Variants in SORCS2 observed in about 807,000 individuals in gnomAD.
SORCS2 encodes VPS10 domain-containing receptor SorCS2.
In SORCS2, 100 loss-of-function variants were observed where a neutral mutation model predicts 141.6. The ratio of observed to expected loss-of-function variants is 0.71; its 90% CI spans 0.60 to 0.83. SORCS2 has a LOEUF of 0.83. Ranked by LOEUF, SORCS2 falls within the 40% of genes least tolerant of loss-of-function variation. The pLI is 0.00. For missense variants in SORCS2, 1,646 were observed against 1,560.2 expected, an observed-to-expected ratio of 1.05 and a Z score of -0.93; for synonymous variants, 789 against 676.9, an observed-to-expected ratio of 1.17 and a Z score of -2.57.
chr4:7,702,447 C>G (rs111887501), intron 12 of SORCS2, among the ~76,000 whole-genome samples: 3 of 152,332 alleles, frequency 2.0e-5, no homozygotes, highest in African/African-American at 7.2e-5. Context: ...AGCTGTGAGG[C>G]CTTAGCATAC....
At chr4:7,513,095 A>C (rs1294039554) in intron 2 of SORCS2, among the ~76,000 whole-genome samples, 2 of 137,126 alleles carry the variant, frequency 1.5e-5, no homozygotes, top group African/African-American at 2.5e-5. Flanking sequence ...AGACAGACCC[A>C]GGTACCCCTG....
At chr4:7,691,638 A>G (rs1338706015) in intron 11 of SORCS2, among the ~76,000 whole-genome samples, 2 of 152,108 alleles carry the variant, frequency 1.3e-5, no homozygotes, top group South Asian at 2.1e-4. Context: ...AATGTGACCC[A>G]TCAGCATCAA....
intron 19 of SORCS2, among the ~76,000 whole-genome samples, chr4:7,724,235 GTGA>G (rs1577121007): frequency 6.7e-6 from 1 of 149,884 alleles, no homozygotes; most frequent in African/African-American, 2.5e-5. Context: ...GGAGGTGGTA[GTGA>G]TGATGGTGAC....
chr4:7,553,153 A>C (rs1713844475), intron 3 of SORCS2, among the ~76,000 whole-genome samples: 1 of 152,152 alleles, frequency 6.6e-6, no homozygotes, highest in Non-Finnish European at 1.5e-5. Context: ...CTGGGAGGGC[A>C]ACAGAGCCAG....
chr4:7,475,821 CTCAAAG>C (rs1329355530), intron 2 of SORCS2, among the ~76,000 whole-genome samples: 1 of 152,258 alleles, frequency 6.6e-6, no homozygotes, highest in African/African-American at 2.4e-5. Context: ...CAGTGACAGA[CTCAAAG>C]TCAGAGAATG....
At chr4:7,402,856 G>C (rs13139233) in intron 2 of SORCS2, among the ~76,000 whole-genome samples, 23,118 of 151,178 alleles carry the variant, frequency 0.15, 1,900 homozygotes, top group Non-Finnish European at 0.18. Flanking sequence ...TTTGGGTCTC[G>C]TCCTCTGTGA....
intron 2 of SORCS2, among the ~76,000 whole-genome samples, chr4:7,502,860 C>T (rs923533583): frequency 2.0e-5 from 3 of 152,206 alleles, no homozygotes; most frequent in Non-Finnish European, 2.9e-5. Context: ...TCCGCTGTGG[C>T]GACTGAGGGA....
rs1020995047 is a variant in SORCS2 at position 7,636,244 on chromosome 4, G to A, written c.649-2084G>A. ...CAAAGGGAGACTTCCTTTGGGACTTGCTTTGGGTCCCCTGTTAGGATGAGA... is the reference window on the plus strand; with the variant it reads ...CAAAGGGAGACTTCCTTTGGGACTTACTTTGGGTCCCCTGTTAGGATGAGA... On this transcript the variant is annotated intron_variant, in intron 3 of 26. Coordinates refer to ENST00000507866, the MANE Select transcript of SORCS2 (RefSeq NM_020777.3). 2.0e-5 allele frequency among the ~76,000 whole-genome samples: 3 copies of A among 148,726 alleles called. No individual in the cohort carries two copies. In the South Asian group the frequency reaches 6.6e-4, roughly 33 times the overall value.
chr4:7,697,163 C>G lies in SORCS2; in HGVS notation c.1592-35C>G, dbSNP rs78864358. ...GTTAAAGGGGTAAAGCTGGACGATC[C>G]TAAGGGTAGTACTGCCCCTTTTCTT... On this transcript the variant is annotated intron_variant, in intron 11 of 26. Transcript: ENST00000507866. 4,204 of 1,529,832 alleles carry G rather than the reference C, an allele frequency of 2.7e-3. 94 individuals carry two copies. The African/African-American group carries it at 0.048, about 18-fold the overall frequency. 94.8% of individuals were successfully genotyped at this position (1,529,832 alleles called of 1,614,324 possible). A position where few individuals can be genotyped will look rare whatever the true frequency, so the allele number is the denominator to read the frequency against.
At chr4:7,248,850 G>T (rs936817732) in intron 1 of SORCS2, among the ~76,000 whole-genome samples, 2 of 152,198 alleles carry the variant, frequency 1.3e-5, no homozygotes, top group Non-Finnish European at 2.9e-5. Context: ...TTAGGCCAGG[G>T]TATGAGGATA....
At chr4:7,396,447 T>C in intron 2 of SORCS2, 92 bp downstream of exon 2, 1 of 1,327,922 alleles carries the variant, frequency 7.5e-7, no homozygotes, top group South Asian at 1.3e-5. Flanking sequence ...AACACCTCAC[T>C]GTGGCAGCCC....
intron 1 of SORCS2, among the ~76,000 whole-genome samples, chr4:7,388,030 G>GCACACATGCACA (rs1339795136): frequency 7.9e-6 from 1 of 126,720 alleles, no homozygotes; most frequent in African/African-American, 3.1e-5. Context: ...ACACAGATAC[G>GCACACATGCACA]CACACATGCA....
chr4:7,411,176 C>T (rs917457470), intron 2 of SORCS2, among the ~76,000 whole-genome samples: 19 of 151,684 alleles, frequency 1.3e-4, no homozygotes, highest in Non-Finnish European at 2.2e-4. Context: ...GGATGGTCTC[C>T]GTCTCTTGAA....
intron 1 of SORCS2, among the ~76,000 whole-genome samples, chr4:7,212,651 G>A (rs1728121654): frequency 6.6e-6 from 1 of 152,248 alleles, no homozygotes; most frequent in Non-Finnish European, 1.5e-5. Context: ...CTGCTCCTGA[G>A]GGAAGCCAGA....
intron 2 of SORCS2, among the ~76,000 whole-genome samples, chr4:7,519,086 G>C (rs948603291): frequency 1.3e-5 from 2 of 152,194 alleles, no homozygotes; most frequent in Admixed American, 6.5e-5. Flanking sequence ...TCTTGGAAGT[G>C]TGCCCGGCGG....
At chr4:7,334,179 C>G (rs1719842520) in intron 1 of SORCS2, among the ~76,000 whole-genome samples, 1 of 152,094 alleles carries the variant, frequency 6.6e-6, no homozygotes, top group South Asian at 2.1e-4. Context: ...GGTGCCCACA[C>G]AGGCATGTTG....
At position 7,460,424 on chromosome 4, in the gene SORCS2, G is replaced by C. The variant is rs1729225305; in HGVS notation, c.548+64069G>C. ...GGGGTGCCAGACTCCCCCAGCTTCA[G>C]AACAGCTCGGTGGTCAAAAGGCAGC... is the stretch of plus-strand genomic sequence containing the variant. On this transcript the variant is annotated intron_variant, in intron 2 of 26. Coordinates refer to ENST00000507866, the MANE Select transcript of SORCS2 (RefSeq NM_020777.3). Among the ~76,000 whole-genome samples, 4 of 152,328 alleles carry C rather than the reference G, an allele frequency of 2.6e-5. No individual in the cohort carries two copies. In the South Asian group the frequency reaches 8.3e-4, roughly 32 times the overall value.
chr4:7,374,123 CT>C (rs1722459640), intron 1 of SORCS2, among the ~76,000 whole-genome samples: 2 of 16,864 alleles, frequency 1.2e-4, no homozygotes, highest in Non-Finnish European at 2.5e-4. Flanking sequence ...TTCTTTCTTT[CT>C]TTCCCTCTTT....
intron 8 of SORCS2, among the ~76,000 whole-genome samples, chr4:7,668,582 T>G (rs1036349134): frequency 6.6e-6 from 1 of 152,162 alleles, no homozygotes; most frequent in Non-Finnish European, 1.5e-5. Flanking sequence ...AGACCTCTCC[T>G]GAGCCAGAAA....
Sources: allele counts gnomAD v4.1 joint callset (sites outside exome capture counted in the v4.1 genomes callset), GRCh38; gene constraint gnomAD v4.1.1; transcripts MANE v1.5; gene names NCBI Gene and HGNC (gene_info 2026-07-23, HGNC 2026-07-21).